GPC5: variants seen among roughly 807,000 people sequenced by gnomAD.
GPC5 encodes the protein glypican-5.
In GPC5, 47 loss-of-function variants were observed where a neutral mutation model predicts 53.9. The ratio of observed to expected loss-of-function variants is 0.87; its 90% confidence interval spans 0.69 to 1.11. The LOEUF (loss-of-function observed/expected upper bound fraction) is 1.11. GPC5 is among the 50% of genes most tolerant of loss of function. The probability of loss-of-function intolerance (pLI) is 0.00; values close to 1 mark genes in which losing one functional copy is unlikely to be tolerated. For missense variants in GPC5, 748 were observed against 713.1 expected (o/e 1.05, Z -0.56); for synonymous variants, 286 against 263.3 (o/e 1.09, Z -0.84).
chr13:92,783,480 C>A (rs756152545), intron 7 of GPC5, among the ~76,000 whole-genome samples: 1 of 152,162 alleles, frequency 6.6e-6, no homozygotes, highest in African/African-American at 2.4e-5. Context: ...TTTGGAAACT[C>A]TTTTAAGTAA....
intron 6 of GPC5, among the ~76,000 whole-genome samples, chr13:92,000,412 T>C (rs1224223537): frequency 1.3e-5 from 2 of 151,974 alleles, no homozygotes; most frequent in African/African-American, 4.8e-5. Flanking sequence ...TCTTCTAGAG[T>C]TTTGTCCAAA....
At chr13:92,191,590 T>C (rs1319673273) in intron 7 of GPC5, among the ~76,000 whole-genome samples, 1 of 152,204 alleles carries the variant, frequency 6.6e-6, no homozygotes, top group African/African-American at 2.4e-5. Context: ...GCTTTATTAA[T>C]AATTGACAAA....
intron 7 of GPC5, among the ~76,000 whole-genome samples, chr13:92,632,485 T>TCTATATAC (rs1885276759): frequency 7.3e-6 from 1 of 137,652 alleles, no homozygotes; most frequent in Admixed American, 7.4e-5. Context: ...TATATATATA[T>TCTATATAC]ACACATATAT....
chr13:92,266,019 C>T (rs141132380), intron 7 of GPC5, among the ~76,000 whole-genome samples: 181 of 152,258 alleles, frequency 1.2e-3, no homozygotes, highest in African/African-American at 3.8e-3. Flanking sequence ...CCCGTAATAA[C>T]GAACACACTC....
intron 7 of GPC5, among the ~76,000 whole-genome samples, chr13:92,403,329 G>A (rs767221637): frequency 6.6e-6 from 1 of 152,170 alleles, no homozygotes; most frequent in Non-Finnish European, 1.5e-5. Flanking sequence ...TGTTAAATCA[G>A]GGGACCCCAA....
chr13:92,695,449 A>G (rs1887530559), intron 7 of GPC5, among the ~76,000 whole-genome samples: 1 of 152,132 alleles, frequency 6.6e-6, no homozygotes, highest in Non-Finnish European at 1.5e-5. Flanking sequence ...AGCCTTTTCT[A>G]TGGGTGATAA....
intron 7 of GPC5, among the ~76,000 whole-genome samples, chr13:92,711,917 T>C (rs1415040594): frequency 1.3e-5 from 2 of 151,986 alleles, no homozygotes; most frequent in East Asian, 1.9e-4. Flanking sequence ...CAAACTGCTT[T>C]AGTTGAAAGA....
At chr13:92,615,629 T>C (rs1189643703) in intron 7 of GPC5, among the ~76,000 whole-genome samples, 1 of 152,162 alleles carries the variant, frequency 6.6e-6, no homozygotes, top group Non-Finnish European at 1.5e-5. Context: ...TGTTAAAAAA[T>C]ACAGCAAATC....
chr13:92,250,272 G>T (rs1024504607), intron 7 of GPC5, among the ~76,000 whole-genome samples: 1 of 152,070 alleles, frequency 6.6e-6, no homozygotes, highest in African/African-American at 2.4e-5. Context: ...TCATACGTAT[G>T]GTTTTAGGCA....
At chr13:91,795,683 G>A (rs2038035375) in intron 5 of GPC5, among the ~76,000 whole-genome samples, 1 of 152,020 alleles carries the variant, frequency 6.6e-6, no homozygotes, top group Admixed American at 6.6e-5. Context: ...CATAGCTTGC[G>A]AGTATACTTG....
At chr13:92,591,341 C>T (rs952955710) in intron 7 of GPC5, among the ~76,000 whole-genome samples, 3 of 152,074 alleles carry the variant, frequency 2.0e-5, no homozygotes, top group Non-Finnish European at 4.4e-5. Context: ...TCTGTTGCCT[C>T]CAGCGTGAGT....
intron 5 of GPC5, among the ~76,000 whole-genome samples, chr13:91,829,552 G>C (rs1307663435): frequency 6.6e-6 from 1 of 152,042 alleles, no homozygotes; most frequent in African/African-American, 2.4e-5. Flanking sequence ...ATATGGGTGA[G>C]AAAGAATGAG....
intron 6 of GPC5, among the ~76,000 whole-genome samples, chr13:92,019,009 T>C (rs2040733376): frequency 6.6e-6 from 1 of 151,976 alleles, no homozygotes; most frequent in Admixed American, 6.6e-5. Context: ...AATAATAAAA[T>C]ATTGGTGTAT....
chr13:92,218,634 C>G (rs535646144), intron 7 of GPC5, among the ~76,000 whole-genome samples: 1 of 152,062 alleles, frequency 6.6e-6, no homozygotes, highest in Non-Finnish European at 1.5e-5. Flanking sequence ...AAATCCCAAC[C>G]GCCTTCACTA....
intron 6 of GPC5, among the ~76,000 whole-genome samples, chr13:91,989,821 AT>A (rs2040441055): frequency 1.4e-5 from 2 of 145,900 alleles, no homozygotes; most frequent in East Asian, 4.1e-4. Flanking sequence ...CTTTATTAAA[AT>A]AAAATTTGTA....
intron 1 of GPC5, among the ~76,000 whole-genome samples, chr13:91,436,792 A>G (rs141639837): frequency 0.036 from 5,446 of 152,162 alleles, 143 homozygotes; most frequent in Middle Eastern, 0.068. Flanking sequence ...TGGGGTGTTA[A>G]AGTCTCCCAT....
chr13:92,070,940 T>G (rs2041205855), intron 6 of GPC5, among the ~76,000 whole-genome samples: 1 of 152,144 alleles, frequency 6.6e-6, no homozygotes, highest in Non-Finnish European at 1.5e-5. Context: ...ACTTTACAGA[T>G]GAAATGAAAT....
intron 6 of GPC5, among the ~76,000 whole-genome samples, chr13:92,115,810 C>T (rs1157061107): frequency 6.6e-6 from 1 of 152,126 alleles, no homozygotes; most frequent in Admixed American, 6.5e-5. Flanking sequence ...GTGCACCCCC[C>T]ACCCCCACCG....
At chr13:91,558,296 G>T (rs1347774311) in intron 2 of GPC5, among the ~76,000 whole-genome samples, 4 of 151,964 alleles carry the variant, frequency 2.6e-5, no homozygotes, top group Non-Finnish European at 5.9e-5. Context: ...TATTTTACTT[G>T]GTCTCGGTAT....
Sources: gnomAD v4.1 joint callset for allele counts (sites outside exome capture counted in the v4.1 genomes callset) on GRCh38, gnomAD v4.1.1 for gene constraint, MANE v1.5 for transcripts, NCBI Gene and HGNC (gene_info 2026-07-23, HGNC 2026-07-21) for gene names.